CAGE1: variants seen among roughly 807,000 people sequenced by gnomAD.
CAGE1 encodes cancer-associated gene 1 protein.
Under a neutral mutation model 94.9 loss-of-function variants are expected in CAGE1, and 66 were observed. The ratio of observed to expected loss-of-function variants is 0.70; its 90% CI spans 0.57 to 0.85. CAGE1 has a LOEUF of 0.85. Among genes scored for constraint, CAGE1 ranks in the 40% least tolerant of loss-of-function variants. CAGE1 has a pLI of 0.00. For missense variants in CAGE1, 865 were observed against 950.4 expected, an observed-to-expected ratio of 0.91 and a Z score of 1.18; for synonymous variants, 319 against 321.0, an observed-to-expected ratio of 0.99 and a Z score of 0.07.
chr6:7,388,204 G>T (rs1761197671), intron 1 of CAGE1, among the ~76,000 whole-genome samples: 1 of 151,992 alleles, frequency 6.6e-6, no homozygotes, highest in South Asian at 2.1e-4. Flanking sequence ...GTCCTTCCAG[G>T]CCATCCATAG....
Position 7,356,017 on chromosome 6 carries a change from AT to A in CAGE1, c.2298+7del, listed in dbSNP as rs1759942976. On this transcript the variant is annotated splice_region_variant and intron_variant, in intron 10 of 13. Transcript: ENST00000502583. The stretch of plus-strand genomic sequence containing the variant: ...GTCTCAAAATACAAAAGAAAAAAAA[AT>A]GTCTACCTTCTTTATTAAGTTGCCT... The A allele has an allele frequency of 1.4e-6, 2 of 1,466,738 alleles. No individual in the cohort carries two copies. Among genetic ancestry groups the A allele is most frequent in the Non-Finnish European group, 1.9e-6 (2 of 1,071,224 alleles). 90.9% of individuals were successfully genotyped at this position (1,466,738 alleles called of 1,614,324 possible).
At chr6:7,352,546 C>A (rs1410181034) in intron 11 of CAGE1, among the ~76,000 whole-genome samples, 1 of 152,002 alleles carries the variant, frequency 6.6e-6, no homozygotes, top group African/African-American at 2.4e-5. Flanking sequence ...AAAAACAATT[C>A]TAAAATTCAT....
chr6:7,362,732 C>CA lies in CAGE1; in HGVS notation c.2193+2735dup, dbSNP rs1284912983. On this transcript the variant is annotated intron_variant, in intron 9 of 13. Transcript: ENST00000502583. This position sits in a 1 kb window ranked among gnomAD's most constrained non-coding sequence, Gnocchi z 4.1. The stretch of plus-strand genomic sequence containing the variant: ...TCTTCTGGAGTACATTCTGCACTAC[C>CA]AAAAAATAAAAACAAAATCCTTTTT... Among the ~76,000 whole-genome samples, 1 of 152,010 alleles carries CA rather than the reference C, an allele frequency of 6.6e-6. No homozygotes were observed. The highest frequency in any genetic ancestry group is 1.5e-5 in the Non-Finnish European group (1 of 67,968).
intron 7 of CAGE1, 110 bp downstream of exon 7, chr6:7,368,578 C>G: frequency 5.3e-6 from 3 of 566,368 alleles, no homozygotes; most frequent in Non-Finnish European, 8.9e-6. Context: ...TCTGGTCCCC[C>G]AAAATAATTT....
rs1042139948 is a variant in CAGE1, at chr6:7,362,188, A to G, written c.2193+3280T>C. On this transcript the variant is annotated intron_variant, in intron 9 of 13. Coordinates refer to ENST00000502583, the MANE Select transcript of CAGE1 (RefSeq NM_001170692.2). The surrounding 1 kb of genome is among the most constrained non-coding windows in gnomAD (Gnocchi z 4.1). ...AATAAGTTAGGTAAATGTTTTACGT[A>G]ATATATGATTGCCATATTGAAGTGG... Among the ~76,000 whole-genome samples, 3 of 152,260 alleles carry G rather than the reference A, an allele frequency of 2.0e-5. No individual in the cohort carries two copies. The highest frequency in any genetic ancestry group is 7.2e-5 in the African/African-American group (3 of 41,468).
At chr6:7,384,313 G>C (rs552422282) in intron 3 of CAGE1, among the ~76,000 whole-genome samples, 1 of 152,118 alleles carries the variant, frequency 6.6e-6, no homozygotes, top group Non-Finnish European at 1.5e-5. Flanking sequence ...TCCTGACCTC[G>C]TGATCCGCCT....
chr6:7,373,611 T>G lies in CAGE1; in HGVS notation c.1208A>C (p.Lys403Thr), dbSNP rs1760629813. The change falls in exon 5 of 14, where the codon AAG becomes ACG. Residue 403 changes from lysine to threonine, a missense_variant. Transcript: ENST00000502583. Reference protein sequence around the residue: ...QKHLQESRNDKEMLQLQFKKI... With the variant: ...QKHLQESRNDTEMLQLQFKKI... ...CTTAAATTGAAGCTGTAACATTTCC[T>G]TGTCATTCCTGGATTCCTGAAGATG... 1.2e-6 allele frequency: 2 copies of G among 1,613,402 alleles called. No individual in the cohort carries two copies. The highest frequency in any genetic ancestry group is 1.7e-6 in the Non-Finnish European group (2 of 1,179,812).
intron 11 of CAGE1, among the ~76,000 whole-genome samples, chr6:7,348,194 G>A (rs569394314): frequency 5.9e-5 from 9 of 152,168 alleles, no homozygotes; most frequent in Non-Finnish European, 7.4e-5. Context: ...CCACGTCCAC[G>A]GGAACAGGTG....
chr6:7,363,522 C>T (rs999688374), intron 9 of CAGE1, among the ~76,000 whole-genome samples: 1 of 152,210 alleles, frequency 6.6e-6, no homozygotes, highest in African/African-American at 2.4e-5. Context: ...CTTCCCTTCT[C>T]TCATGCCAAT....
intron 11 of CAGE1, among the ~76,000 whole-genome samples, chr6:7,345,078 T>G (rs979761843): frequency 2.0e-5 from 3 of 152,292 alleles, no homozygotes; most frequent in Non-Finnish European, 4.4e-5. Context: ...AGCTTTGTTC[T>G]TTCACCCTGC....
chr6:7,346,365 G>GTTTA (rs1247501897), intron 11 of CAGE1, among the ~76,000 whole-genome samples: 1 of 152,046 alleles, frequency 6.6e-6, no homozygotes, highest in African/African-American at 2.4e-5. Context: ...GACCAGCCTG[G>GTTTA]GCAACACAGC....
At chr6:7,330,821 T>C (rs985033902) in intron 12 of CAGE1, among the ~76,000 whole-genome samples, 1 of 152,162 alleles carries the variant, frequency 6.6e-6, no homozygotes, top group Non-Finnish European at 1.5e-5. Flanking sequence ...TCTAGGCCAG[T>C]CTAAATCTAT....
At chr6:7,332,096 TCTC>T (rs1758774613) in intron 12 of CAGE1, among the ~76,000 whole-genome samples, 1 of 152,172 alleles carries the variant, frequency 6.6e-6, no homozygotes, top group Admixed American at 6.5e-5. Context: ...AAGCAGGGCT[TCTC>T]CTCCCCATCT....
rs117897241 is a variant in CAGE1 at position 7,362,617 on chromosome 6, G to A, written c.2193+2851C>T. Among the ~76,000 whole-genome samples, 76 of 152,322 alleles carry A rather than the reference G, an allele frequency of 5.0e-4. No individual in the cohort carries two copies. The highest frequency in any genetic ancestry group is 5.8e-4 in the East Asian group (3 of 5,184). The stretch of plus-strand genomic sequence containing the variant: ...TCAGAAGGACATGAGAGAAGCACGC[G>A]ACGATGTGCCAAGGGAAGCATGAGC... On this transcript the variant is annotated intron_variant, in intron 9 of 13. Transcript: ENST00000502583. The surrounding 1 kb of genome is among the most constrained non-coding windows in gnomAD (Gnocchi z 4.1).
At chr6:7,331,113 C>T (rs1170151704) in intron 12 of CAGE1, among the ~76,000 whole-genome samples, 1 of 152,118 alleles carries the variant, frequency 6.6e-6, no homozygotes, top group Admixed American at 6.6e-5. Flanking sequence ...TTTAAATCTG[C>T]CAAGGGTTTT....
chr6:7,386,747 T>C (rs1761134819), intron 2 of CAGE1, among the ~76,000 whole-genome samples: 1 of 152,192 alleles, frequency 6.6e-6, no homozygotes, highest in South Asian at 2.1e-4. Flanking sequence ...CTTCCATGCC[T>C]GGCTAATTTT....
intron 11 of CAGE1, among the ~76,000 whole-genome samples, chr6:7,335,089 T>C (rs1561846792): frequency 6.6e-6 from 1 of 152,206 alleles, no homozygotes; most frequent in African/African-American, 2.4e-5. Flanking sequence ...TGGCCCCACA[T>C]CACACCACCT....
At chr6:7,352,616 T>TA (rs1561856197) in intron 11 of CAGE1, among the ~76,000 whole-genome samples, 1 of 152,080 alleles carries the variant, frequency 6.6e-6, no homozygotes, top group African/African-American at 2.4e-5. Context: ...AATAAATCTG[T>TA]AGGCATCACA....
chr6:7,358,052 A>G (rs1478447310), intron 9 of CAGE1, among the ~76,000 whole-genome samples: 3 of 121,932 alleles, frequency 2.5e-5, no homozygotes, highest in Non-Finnish European at 5.0e-5. Context: ...ATATATATAT[A>G]TATATATATA....
Sources: gnomAD v4.1 joint callset for allele counts (sites outside exome capture counted in the v4.1 genomes callset) on GRCh38, gnomAD v4.1.1 for gene constraint, Gnocchi (gnomAD v3.1) non-coding constraint, MANE v1.5 for transcripts, NCBI Gene and HGNC (gene_info 2026-07-23, HGNC 2026-07-21) for gene names.